TIAM2: variants seen among roughly 807,000 people sequenced by gnomAD.
TIAM2 encodes TIAM Rac1 associated GEF 2.
A neutral mutation model predicts 152.9 loss-of-function variants in TIAM2; 80 were observed. The ratio of observed to expected loss-of-function variants is 0.52; its 90% CI spans 0.44 to 0.63. TIAM2 has a LOEUF of 0.63. Ranked by LOEUF, TIAM2 falls within the 30% of genes least tolerant of loss-of-function variation. The probability of loss-of-function intolerance (pLI) is 0.00; values close to 1 mark genes in which losing one functional copy is unlikely to be tolerated. For missense variants in TIAM2, 1,965 were observed against 2,120.1 expected (o/e 0.93, Z 1.44); for synonymous variants, 804 against 838.0 (o/e 0.96, Z 0.70).
In TIAM2 at chr6:155,174,433, C is replaced by T. The variant is rs1178944795; in HGVS notation, c.2362-2383C>T. On this transcript the variant is annotated intron_variant, in intron 9 of 26. Transcript: ENST00000682666. This position sits in a 1 kb window ranked among gnomAD's most constrained non-coding sequence, Gnocchi z 4.2. Reference sequence around the variant, plus strand: ...TCGCCCAGGCTGGAGTGCAGTGGCACGATCTTGGCTCACTGCAACCTCTGC... The same window carrying T: ...TCGCCCAGGCTGGAGTGCAGTGGCATGATCTTGGCTCACTGCAACCTCTGC... Among the ~76,000 whole-genome samples the T allele has an allele frequency of 1.5e-4, 23 of 151,942 alleles. No individual in the cohort carries two copies. Among genetic ancestry groups the T allele is most frequent in the East Asian group, 3.9e-4 (2 of 5,150 alleles).
chr6:155,138,887 ATTTGT>A (rs1206206422), intron 5 of TIAM2, among the ~76,000 whole-genome samples: 1 of 152,104 alleles, frequency 6.6e-6, no homozygotes, highest in Admixed American at 6.5e-5. Context: ...AGAAGTGAGA[ATTTGT>A]TTTGTTGACA....
chr6:155,109,314 C>G (rs1778778186), intron 2 of TIAM2, among the ~76,000 whole-genome samples: 1 of 151,986 alleles, frequency 6.6e-6, no homozygotes, highest in Non-Finnish European at 1.5e-5. Flanking sequence ...AAATACAGGC[C>G]GTGAAGAACA....
chr6:155,114,049 TC>T (rs1378011966), intron 2 of TIAM2, among the ~76,000 whole-genome samples: 3,338 of 62,746 alleles, frequency 0.053, 505 homozygotes, highest in Non-Finnish European at 0.059. Context: ...TTTTTTTTTT[TC>T]TTTTTTTTTT....
At chr6:155,103,010 T>G (rs2114994971) in intron 2 of TIAM2, among the ~76,000 whole-genome samples, 1 of 152,334 alleles carries the variant, frequency 6.6e-6, no homozygotes, top group East Asian at 1.9e-4. Flanking sequence ...ATTTACATTT[T>G]TCTCAGAGAT....
intron 14 of TIAM2, among the ~76,000 whole-genome samples, chr6:155,185,649 G>A (rs1291823874): frequency 6.6e-6 from 1 of 152,046 alleles, no homozygotes; most frequent in Non-Finnish European, 1.5e-5. Context: ...CAATGTCTGT[G>A]TGGACAGAGA....
intron 4 of TIAM2, among the ~76,000 whole-genome samples, chr6:155,136,835 C>T (rs1389804667): frequency 6.6e-6 from 1 of 152,062 alleles, no homozygotes; most frequent in Admixed American, 6.5e-5. Context: ...TCATGGTTAG[C>T]AATGAAGAAA....
intron 1 of TIAM2, among the ~76,000 whole-genome samples, chr6:155,021,640 C>G (rs749590343): frequency 6.6e-6 from 1 of 152,128 alleles, no homozygotes; most frequent in East Asian, 1.9e-4. Flanking sequence ...TCCAATCAAC[C>G]GTGCACAAGG....
chr6:155,026,674 C>T (rs1776609784), intron 1 of TIAM2, among the ~76,000 whole-genome samples: 1 of 152,216 alleles, frequency 6.6e-6, no homozygotes. Context: ...GTGCCAGCCT[C>T]TGGAAGTTTG....
intron 1 of TIAM2, among the ~76,000 whole-genome samples, chr6:155,029,505 A>ACTATATAGT (rs1303279516): frequency 3.5e-5 from 1 of 28,336 alleles, no homozygotes; most frequent in Non-Finnish European, 6.3e-5. Context: ...TATTATATAT[A>ACTATATAGT]ATATATACTA....
At chr6:155,150,662 A>G (rs1329044215) in intron 7 of TIAM2, among the ~76,000 whole-genome samples, 1 of 152,192 alleles carries the variant, frequency 6.6e-6, no homozygotes, top group African/African-American at 2.4e-5. Flanking sequence ...AACAAGAGCA[A>G]TTTATTTCTC....
At chr6:155,247,857 C>G in intron 19 of TIAM2, 143 bp from the exon 20 acceptor site, 1 of 1,055,398 alleles carries the variant, frequency 9.5e-7, no homozygotes, top group Non-Finnish European at 1.4e-6. Context: ...GGGTGCCTGA[C>G]CCACTGATGT....
At chr6:155,217,825 T>C (rs1167299581) in intron 15 of TIAM2, among the ~76,000 whole-genome samples, 2 of 152,234 alleles carry the variant, frequency 1.3e-5, no homozygotes, top group Non-Finnish European at 2.9e-5. Context: ...GTCCTGTTTA[T>C]TTTTTCTAGG....
chr6:155,029,414 ATACT>A lies in TIAM2; in HGVS notation c.-209+33923_-209+33926del, dbSNP rs1562295051. Among the ~76,000 whole-genome samples the A allele has an allele frequency of 1.7e-4, 15 of 90,558 alleles. 1 individual carries two copies. Among genetic ancestry groups the A allele is most frequent in the Non-Finnish European group, 3.0e-4 (15 of 50,036 alleles). 59.4% of individuals were successfully genotyped at this position (90,558 alleles called of 152,430 possible). On this transcript the variant is annotated intron_variant, in intron 1 of 26. Transcript: ENST00000682666. ...ATATATACTATAGTATATATAATAT[ATACT>A]ATATATACTATAGTATATATTATAC...
At chr6:155,006,113 C>T (rs558390137) in intron 1 of TIAM2, among the ~76,000 whole-genome samples, 1 of 152,300 alleles carries the variant, frequency 6.6e-6, no homozygotes, top group South Asian at 2.1e-4. Flanking sequence ...GTGTAGCCCC[C>T]CGGGGTCCTG....
intron 14 of TIAM2, among the ~76,000 whole-genome samples, chr6:155,184,225 G>A (rs536437441): frequency 3.7e-4 from 57 of 152,244 alleles, no homozygotes; most frequent in African/African-American, 1.4e-3. Context: ...CTGACCTCAG[G>A]TGATCTACCC....
chr6:155,219,630 A>ATTTT lies in TIAM2; in HGVS notation c.3168+8323_3168+8324insTTTT, dbSNP rs1477373845. Among the ~76,000 whole-genome samples the ATTTT allele has an allele frequency of 3.4e-3, 494 of 145,684 alleles. 3 individuals are homozygous for ATTTT. Among genetic ancestry groups the ATTTT allele is most frequent in the South Asian group, 7.7e-3 (35 of 4,524 alleles). On this transcript the variant is annotated intron_variant, in intron 15 of 26. Transcript: ENST00000682666. ...GTAGTGAGTTGGATTTTTTTTTAAA[A>ATTTT]AATTTCCTATTTTCCGTGCTCCAGA...
At chr6:155,065,358 C>T (rs926666158) in intron 1 of TIAM2, among the ~76,000 whole-genome samples, 1 of 152,142 alleles carries the variant, frequency 6.6e-6, no homozygotes, top group Admixed American at 6.5e-5. Context: ...TTCCTTTCTT[C>T]CTGCCCCATG....
intron 15 of TIAM2, among the ~76,000 whole-genome samples, chr6:155,211,700 T>G (rs1781725610): frequency 1.3e-5 from 2 of 152,182 alleles, no homozygotes; most frequent in African/African-American, 2.4e-5. Flanking sequence ...TGGAATGTTG[T>G]CATTTTGTGT....
chr6:155,240,972 T>A lies in TIAM2; in HGVS notation c.3348+263T>A, dbSNP rs558682379. Among the ~76,000 whole-genome samples the A allele has an allele frequency of 4.6e-4, 70 of 152,336 alleles. No individual in the cohort carries two copies. The South Asian group carries it at 5.8e-3, about 13-fold the overall frequency. On this transcript the variant is annotated intron_variant, in intron 16 of 26. Transcript: ENST00000682666. ...TCACTATGGAAACAGATGTTCTGGTTTGTCATTTGCAATCTGTGGGAAGGG... is the reference window on the plus strand; with the variant it reads ...TCACTATGGAAACAGATGTTCTGGTATGTCATTTGCAATCTGTGGGAAGGG...
Sources: allele counts gnomAD v4.1 joint callset (sites outside exome capture counted in the v4.1 genomes callset), GRCh38; gene constraint gnomAD v4.1.1; non-coding constraint Gnocchi (gnomAD v3.1); transcripts MANE v1.5; gene names NCBI Gene and HGNC (gene_info 2026-07-23, HGNC 2026-07-21).